The following ZNF292 variants were observed in gnomAD, a reference collection of about 807,000 sequenced individuals.
ZNF292 encodes zinc finger protein 292.
In ZNF292, 26 loss-of-function variants were observed where a neutral mutation model predicts 217.9. The ratio of observed to expected loss-of-function variants is 0.12; its 90% CI spans 0.09 to 0.17. ZNF292 has a LOEUF of 0.17. Ranked by LOEUF, ZNF292 falls within the 10% of genes least tolerant of loss-of-function variation. The pLI, the probability that ZNF292 is intolerant of heterozygous loss-of-function variation, is 1.00. For synonymous variants in ZNF292, 1,257 were observed against 1,124.1 expected (o/e 1.12, Z -2.37); for missense variants, 2,904 against 3,175.2 (o/e 0.91, Z 2.05).
intron 1 of ZNF292, among the ~76,000 whole-genome samples, chr6:87,161,239 A>C (rs1770744099): frequency 6.6e-6 from 1 of 152,212 alleles, no homozygotes; most frequent in Non-Finnish European, 1.5e-5. Flanking sequence ...ACATTTTGAT[A>C]TAATAAATTC....
At chr6:87,215,531 A>G (rs964088513) in intron 1 of ZNF292, among the ~76,000 whole-genome samples, 3 of 152,170 alleles carry the variant, frequency 2.0e-5, no homozygotes, top group Non-Finnish European at 2.9e-5. Context: ...TCTACGAGAA[A>G]TAGAAAACAG....
chr6:87,221,668 A>T (rs1773086990), intron 4 of ZNF292, among the ~76,000 whole-genome samples: 1 of 152,170 alleles, frequency 6.6e-6, no homozygotes, highest in South Asian at 2.1e-4. Context: ...TTTTGTGGAT[A>T]TATAGCAGGT....
chr6:87,189,183 C>T (rs931575563), intron 1 of ZNF292, among the ~76,000 whole-genome samples: 16 of 151,342 alleles, frequency 1.1e-4, no homozygotes, highest in African/African-American at 2.4e-4. Context: ...TCAGCCTGGG[C>T]GACAGAGTGA....
At chr6:87,241,764 G>A (rs115468309) in intron 5 of ZNF292, among the ~76,000 whole-genome samples, 3 of 152,128 alleles carry the variant, frequency 2.0e-5, no homozygotes, top group Non-Finnish European at 2.9e-5. Flanking sequence ...TGGATTTGTG[G>A]CTTAACCACT....
chr6:87,228,638 T>G (rs1773490614), intron 4 of ZNF292, among the ~76,000 whole-genome samples: 1 of 152,180 alleles, frequency 6.6e-6, no homozygotes, highest in African/African-American at 2.4e-5. Flanking sequence ...GCTACATTCT[T>G]TTGCATTTAG....
At chr6:87,167,451 A>T (rs1770954832) in intron 1 of ZNF292, among the ~76,000 whole-genome samples, 1 of 152,136 alleles carries the variant, frequency 6.6e-6, no homozygotes, top group African/African-American at 2.4e-5. Context: ...GACCCACCTG[A>T]CCAACATGGT....
rs373646545 is a variant in ZNF292, at chr6:87,218,761, G to T, written c.538+30G>T. The stretch of plus-strand genomic sequence containing the variant: ...ATTTTCGAGAGACAGAGAAAAAAAA[G>T]AATAATTAGACTAGAAAAAATAAGT... On this transcript the variant is annotated intron_variant, in intron 4 of 7. Transcript: ENST00000369577. 6.5e-6 allele frequency: 10 copies of T among 1,537,280 alleles called. No individual in the cohort carries two copies. The African/African-American group carries it at 1.4e-4, about 22-fold the overall frequency.
chr6:87,217,479 T>C (rs964816767), intron 3 of ZNF292, among the ~76,000 whole-genome samples: 1 of 152,082 alleles, frequency 6.6e-6, no homozygotes, highest in Non-Finnish European at 1.5e-5. Context: ...AGGTTTTTTT[T>C]CCAAAAAGTA....
chr6:87,172,322 C>A (rs1771127511), intron 1 of ZNF292, among the ~76,000 whole-genome samples: 1 of 152,062 alleles, frequency 6.6e-6, no homozygotes, highest in Non-Finnish European at 1.5e-5. Context: ...CAAGACACAC[C>A]AGAATCAGAA....
chr6:87,254,217 A>G (rs774807828), intron 7 of ZNF292, among the ~76,000 whole-genome samples: 9 of 152,214 alleles, frequency 5.9e-5, no homozygotes, highest in Non-Finnish European at 1.0e-4. Flanking sequence ...TGCAAACAGG[A>G]AGTAAGAGTT....
intron 1 of ZNF292, among the ~76,000 whole-genome samples, chr6:87,164,357 A>G (rs1770846248): frequency 6.6e-6 from 1 of 152,110 alleles, no homozygotes; most frequent in African/African-American, 2.4e-5. Flanking sequence ...CACATGCTTT[A>G]CTTTGTATGC....
rs748179146 is a variant in ZNF292, at chr6:87,258,189, A to C, written c.4560A>C (p.Ala1520=). The change falls in exon 8 of 8, where the codon GCA becomes GCC. Residue 1520 remains alanine, a synonymous_variant. Coordinates refer to ENST00000369577, the MANE Select transcript of ZNF292 (RefSeq NM_015021.3). ...TTTCAACAGGTTGTGTCTCTGATGC[A>C]TCACAAGTAAATGCAACGGTGATGC... ...SHVSTGCVSD[A]SQVNATVMPN... 1.2e-6 allele frequency: 2 copies of C among 1,611,600 alleles called. No individual in the cohort carries two copies. The highest frequency in any genetic ancestry group is 1.1e-5 in the South Asian group (1 of 90,644).
intron 7 of ZNF292, among the ~76,000 whole-genome samples, chr6:87,249,061 G>A (rs1472823478): frequency 6.6e-6 from 1 of 152,130 alleles, no homozygotes; most frequent in Admixed American, 6.5e-5. Context: ...ATATAAAAAA[G>A]CAGTTAAAAG....
At chr6:87,156,334 G>A (rs1770538072) in intron 1 of ZNF292, among the ~76,000 whole-genome samples, 1 of 152,174 alleles carries the variant, frequency 6.6e-6, no homozygotes, top group African/African-American at 2.4e-5. Context: ...AGTCCCCGCC[G>A]ACCCCTTCTA....
At chr6:87,180,214 C>T (rs1324317655) in intron 1 of ZNF292, among the ~76,000 whole-genome samples, 6 of 152,220 alleles carry the variant, frequency 3.9e-5, no homozygotes, top group African/African-American at 9.7e-5. Context: ...TGCATTGGCC[C>T]GCATTCAAAG....
chr6:87,160,865 AAGTT>A (rs1367202438), intron 1 of ZNF292, among the ~76,000 whole-genome samples: 1 of 152,148 alleles, frequency 6.6e-6, no homozygotes, highest in Non-Finnish European at 1.5e-5. Flanking sequence ...CTTCAATGCT[AAGTT>A]TTCTGAAGTG....
chr6:87,185,658 G>A (rs991367404), intron 1 of ZNF292, among the ~76,000 whole-genome samples: 3 of 152,072 alleles, frequency 2.0e-5, no homozygotes, highest in South Asian at 4.1e-4. Context: ...TGATAGAGAT[G>A]GGGTTTCACC....
At chr6:87,246,254 AAAAG>A (rs1268945017) in intron 7 of ZNF292, among the ~76,000 whole-genome samples, 2 of 152,230 alleles carry the variant, frequency 1.3e-5, no homozygotes, top group African/African-American at 4.8e-5. Context: ...AACGAACAAA[AAAAG>A]AAATTTTAAA....
chr6:87,156,139 C>G (rs531917370), intron 1 of ZNF292, among the ~76,000 whole-genome samples: 9 of 152,360 alleles, frequency 5.9e-5, no homozygotes, highest in Admixed American at 5.9e-4. Context: ...TACCGCGCCT[C>G]CCGCCTCTGC....
Sources: gnomAD v4.1 joint callset for allele counts (sites outside exome capture counted in the v4.1 genomes callset) on GRCh38, gnomAD v4.1.1 for gene constraint, MANE v1.5 for transcripts, NCBI Gene and HGNC (gene_info 2026-07-23, HGNC 2026-07-21) for gene names.